ZBTB7C: variants seen among roughly 807,000 people sequenced by gnomAD.
ZBTB7C encodes the protein zinc finger and BTB domain containing 7C, also known as zinc finger and BTB domain-containing protein 7C.
A neutral mutation model predicts 25.7 loss-of-function variants in ZBTB7C; 8 were observed. That is an observed-to-expected ratio of 0.31 (90% CI 0.18 to 0.56). The LOEUF (loss-of-function observed/expected upper bound fraction) is 0.56, where lower values mean the gene tolerates loss of function less well. ZBTB7C is among the 20% of genes least tolerant of loss of function. ZBTB7C has a pLI of 0.91. For synonymous variants in ZBTB7C, 394 were observed against 369.0 expected, an observed-to-expected ratio of 1.07 and a Z score of -0.78; for missense variants, 824 against 855.2, an observed-to-expected ratio of 0.96 and a Z score of 0.46.
chr18:48,177,474 TC>T (rs1031674545), intron 3 of ZBTB7C, among the ~76,000 whole-genome samples: 1 of 152,160 alleles, frequency 6.6e-6, no homozygotes, highest in African/African-American at 2.4e-5. Flanking sequence ...TCTCTCCTCT[TC>T]CAGGGAAACA....
chr18:48,226,031 G>A (rs1383062301), intron 2 of ZBTB7C, among the ~76,000 whole-genome samples: 7 of 152,138 alleles, frequency 4.6e-5, no homozygotes, highest in Non-Finnish European at 7.3e-5. Context: ...ATAAGCCACC[G>A]CGCCCAGCCT....
rs774830243 is a variant in ZBTB7C, at chr18:48,039,909, C to T, written c.1199G>A (p.Arg400His). Reference sequence around the variant, plus strand: ...GGGCTGCCATGCGCACCTGGTGAAGCGGACCTCGCAGATGGTGCACATGTA... The same window carrying T: ...GGGCTGCCATGCGCACCTGGTGAAGTGGACCTCGCAGATGGTGCACATGTA... ...KPYMCTICEVRFTRQDKLKIH... is the reference protein window; with the variant it reads ...KPYMCTICEVHFTRQDKLKIH... Residue 400 changes from arginine (R) to histidine (H), a missense_variant, in exon 4 of 5, where the codon CGC becomes CAC. Transcript: ENST00000590800. 1.9e-6 allele frequency: 3 copies of T among 1,612,122 alleles called. No homozygotes were observed. Among genetic ancestry groups the T allele is most frequent in the Admixed American group, 1.7e-5 (1 of 60,002 alleles).
intron 2 of ZBTB7C, among the ~76,000 whole-genome samples, chr18:48,245,103 T>TAC (rs1555723399): frequency 8.3e-5 from 12 of 144,546 alleles, no homozygotes; most frequent in African/African-American, 3.2e-4. Flanking sequence ...TATATATATA[T>TAC]ACACACACAC....
chr18:48,263,467 A>G (rs2044228658), intron 2 of ZBTB7C, among the ~76,000 whole-genome samples: 1 of 152,218 alleles, frequency 6.6e-6, no homozygotes, highest in Non-Finnish European at 1.5e-5. Context: ...AGAAAACAGA[A>G]CTGTCTCTTC....
intron 3 of ZBTB7C, among the ~76,000 whole-genome samples, chr18:48,049,085 C>T (rs779146341): frequency 3.3e-5 from 5 of 152,140 alleles, no homozygotes; most frequent in African/African-American, 9.7e-5. Context: ...TCAAGGTCAT[C>T]GCCAAAGTCT....
At position 48,080,874 on chromosome 18, in the gene ZBTB7C, G is replaced by C. The variant is rs746742265; in HGVS notation, c.-16-39751C>G. 7.4e-4 allele frequency among the ~76,000 whole-genome samples: 113 copies of C among 152,190 alleles called. 1 individual carries two copies. The highest frequency in any genetic ancestry group is 2.9e-4 in the Non-Finnish European group (20 of 68,028). ...TGCTCATCTTTCTCCCTCTGCCCCTGCCACTGTAGAGAGCCCGGGCAAGCC... is the reference window on the plus strand; with the variant it reads ...TGCTCATCTTTCTCCCTCTGCCCCTCCCACTGTAGAGAGCCCGGGCAAGCC... On this transcript the variant is annotated intron_variant, in intron 3 of 4. Transcript: ENST00000590800.
intron 3 of ZBTB7C, among the ~76,000 whole-genome samples, chr18:48,179,808 T>TTACCTTCC (rs2041832956): frequency 9.8e-6 from 1 of 101,904 alleles, no homozygotes; most frequent in Non-Finnish European, 2.1e-5. Flanking sequence ...TCCTTCCTTA[T>TTACCTTCC]TTCCTTCCTT....
intron 1 of ZBTB7C, among the ~76,000 whole-genome samples, chr18:48,387,500 A>G (rs1297404721): frequency 6.6e-6 from 1 of 152,226 alleles, no homozygotes; most frequent in Non-Finnish European, 1.5e-5. Flanking sequence ...TTTTATCATC[A>G]CTTACAGCTA....
intron 2 of ZBTB7C, among the ~76,000 whole-genome samples, chr18:48,268,766 A>C (rs147334328): frequency 2.5e-3 from 386 of 152,172 alleles, no homozygotes; most frequent in African/African-American, 8.7e-3. Flanking sequence ...TGTAGATAAA[A>C]ATGTAGATAT....
intron 2 of ZBTB7C, among the ~76,000 whole-genome samples, chr18:48,323,852 TG>T (rs1314724883): frequency 6.6e-6 from 1 of 152,116 alleles, no homozygotes; most frequent in Non-Finnish European, 1.5e-5. Context: ...ACAACTGTGA[TG>T]CTATGGTCTG....
At chr18:48,051,972 C>G (rs1198984672) in intron 3 of ZBTB7C, among the ~76,000 whole-genome samples, 4 of 152,208 alleles carry the variant, frequency 2.6e-5, no homozygotes, top group Admixed American at 6.5e-5. Flanking sequence ...TTGCACACCT[C>G]TTTCATGTTC....
chr18:48,371,400 C>T lies in ZBTB7C; in HGVS notation c.-303-33002G>A, dbSNP rs115305839. 1.7e-3 allele frequency among the ~76,000 whole-genome samples: 254 copies of T among 152,300 alleles called. 2 individuals are homozygous for T. Among genetic ancestry groups the T allele is most frequent in the African/African-American group, 5.9e-3 (244 of 41,560 alleles). On this transcript the variant is annotated intron_variant, in intron 1 of 4. Transcript: ENST00000590800. ...GATCATCTCATTTAAAATGCCTATG[C>T]CCACCCAACTTACAGAAAGGGAAAT...
rs140327139 is a variant in ZBTB7C, at chr18:48,316,895, A to C, written c.-79+21279T>G. On this transcript the variant is annotated intron_variant, in intron 2 of 4. Transcript: ENST00000590800. ...TCTGGGCCTCAGTTTCCGACCCTGT[A>C]AAATGGGGATATGTGTATCCATCAC... Among the ~76,000 whole-genome samples the C allele has an allele frequency of 1.3e-3, 194 of 152,352 alleles. 1 individual carries two copies. The highest frequency in any genetic ancestry group is 4.4e-3 in the African/African-American group (184 of 41,574).
chr18:48,201,771 G>A (rs1344895273), intron 2 of ZBTB7C, among the ~76,000 whole-genome samples: 2 of 152,156 alleles, frequency 1.3e-5, no homozygotes, highest in Admixed American at 1.3e-4. Context: ...TAAATAAAAA[G>A]CAGCTCTTTC....
intron 3 of ZBTB7C, among the ~76,000 whole-genome samples, chr18:48,068,605 G>T (rs2144378536): frequency 6.6e-6 from 1 of 152,250 alleles, no homozygotes; most frequent in Admixed American, 6.5e-5. Flanking sequence ...AAACTCCCCA[G>T]GGCCTCCCCA....
rs367726132 is a variant in ZBTB7C at position 48,177,058 on chromosome 18, C to T, written c.-17+8876G>A. On this transcript the variant is annotated intron_variant, in intron 3 of 4. Coordinates refer to ENST00000590800, the MANE Select transcript of ZBTB7C (RefSeq NM_001318841.2). Reference sequence around the variant, plus strand: ...CCCCATAGGGTGTGCTGGACATCTACGGGAACTATTACTTCACTGGTAGTG... The same window carrying T: ...CCCCATAGGGTGTGCTGGACATCTATGGGAACTATTACTTCACTGGTAGTG... 2.4e-3 allele frequency among the ~76,000 whole-genome samples: 360 copies of T among 152,376 alleles called. 1 individual carries two copies. Among genetic ancestry groups the T allele is most frequent in the Non-Finnish European group, 4.1e-3 (279 of 68,036 alleles).
At chr18:48,379,005 T>G (rs961692585) in intron 1 of ZBTB7C, among the ~76,000 whole-genome samples, 1 of 152,200 alleles carries the variant, frequency 6.6e-6, no homozygotes, top group Non-Finnish European at 1.5e-5. Flanking sequence ...AAATGCATTT[T>G]CAACTTATGA....
chr18:48,371,812 T>A (rs772238617), intron 1 of ZBTB7C, among the ~76,000 whole-genome samples: 5 of 152,238 alleles, frequency 3.3e-5, no homozygotes, highest in Admixed American at 3.3e-4. Context: ...AGAGATTTCA[T>A]TACCCTGGAA....
chr18:48,034,400 G>T (rs2035881641), intron 4 of ZBTB7C, among the ~76,000 whole-genome samples: 1 of 152,028 alleles, frequency 6.6e-6, no homozygotes. Flanking sequence ...GTAAACCCTG[G>T]CTCCTTCCCC....
Sources: gnomAD v4.1 joint callset for allele counts (sites outside exome capture counted in the v4.1 genomes callset) on GRCh38, gnomAD v4.1.1 for gene constraint, MANE v1.5 for transcripts, NCBI Gene and HGNC (gene_info 2026-07-23, HGNC 2026-07-21) for gene names.